The following CDCA7L variants were observed in gnomAD, a reference collection of about 807,000 sequenced individuals.
CDCA7L encodes the protein cell division cycle associated 7 like.
CDCA7L carries 44 observed loss-of-function variants against 57.4 expected under a neutral mutation model. That is an observed-to-expected ratio of 0.77 (90% CI 0.60 to 0.98). CDCA7L has a LOEUF of 0.98. Among genes scored for constraint, CDCA7L ranks in the 50% least tolerant of loss-of-function variants. CDCA7L has a pLI of 0.00. For synonymous variants in CDCA7L, 236 were observed against 202.8 expected (o/e 1.16, Z -1.39); for missense variants, 644 against 580.6 (o/e 1.11, Z -1.12).
At chr7:21,922,304 G>C (rs1467024163) in intron 1 of CDCA7L, among the ~76,000 whole-genome samples, 2 of 152,122 alleles carry the variant, frequency 1.3e-5, no homozygotes, top group Non-Finnish European at 2.9e-5. Flanking sequence ...AACTCAACAG[G>C]CTTTGGGGCC....
chr7:21,917,154 A>C (rs1785511783), intron 1 of CDCA7L, among the ~76,000 whole-genome samples: 1 of 152,190 alleles, frequency 6.6e-6, no homozygotes, highest in Non-Finnish European at 1.5e-5. Flanking sequence ...GGCCAGAGAG[A>C]AGACATGTTT....
rs149485255 is a variant in CDCA7L, at chr7:21,943,069, CT to C, written c.24+2711del. On this transcript the variant is annotated intron_variant, in intron 1 of 9. Coordinates refer to ENST00000406877, the MANE Select transcript of CDCA7L (RefSeq NM_018719.5). ...CATTCAGTGCCTACCAGTTTCTCTCCTACGGAGCTGCAGCAAGCTGGAGCTC... is the reference window on the plus strand; with the variant it reads ...CATTCAGTGCCTACCAGTTTCTCTCCACGGAGCTGCAGCAAGCTGGAGCTC... 6.2e-3 allele frequency among the ~76,000 whole-genome samples: 943 copies of C among 152,340 alleles called. 9 individuals carry two copies. The highest frequency in any genetic ancestry group is 0.021 in the African/African-American group (867 of 41,570).
intron 1 of CDCA7L, among the ~76,000 whole-genome samples, chr7:21,923,003 T>A (rs1785705916): frequency 6.6e-6 from 1 of 152,176 alleles, no homozygotes; most frequent in Non-Finnish European, 1.5e-5. Context: ...ACTTGCCAGA[T>A]GCTGAGGGGA....
At position 21,945,744 on chromosome 7, in the gene CDCA7L, GGTGCGTCCGGACGGCGGC is replaced by G; in HGVS notation, c.24+19_24+36del. 3 of 1,601,030 alleles carry G rather than the reference GGTGCGTCCGGACGGCGGC, an allele frequency of 1.9e-6. No individual in the cohort carries two copies. The highest frequency in any genetic ancestry group is 1.4e-5 in the African/African-American group (1 of 73,254). ...GGTGGCAAAGGGAAGTCAAACTGTG[GGTGCGTCCGGACGGCGGC>G]GGGCGGCCGGACCCTCACCTGGTAG... On this transcript the variant is annotated intron_variant, in intron 1 of 9. Transcript: ENST00000406877.
At chr7:21,907,388 A>G (rs932696746) in intron 4 of CDCA7L, among the ~76,000 whole-genome samples, 2 of 152,206 alleles carry the variant, frequency 1.3e-5, no homozygotes, top group Non-Finnish European at 2.9e-5. Flanking sequence ...CATATACAGT[A>G]TCACTGCATC....
chr7:21,917,831 C>G (rs931242458), intron 1 of CDCA7L, among the ~76,000 whole-genome samples: 12 of 152,154 alleles, frequency 7.9e-5, no homozygotes, highest in African/African-American at 2.4e-4. Flanking sequence ...GCACATATCT[C>G]CCACGGATAA....
At position 21,908,304 on chromosome 7, in the gene CDCA7L, G is replaced by A. The variant is rs766864649; in HGVS notation, c.507C>T (p.Ser169=). The change falls in exon 4 of 10, where the codon AGC becomes AGT. Residue 169 remains serine, a synonymous_variant. Transcript: ENST00000406877. ...KNSSSEQLFS[S]ARLQNEKKTI... ...TTTTTTTCTCATTCTGTAAGCGTGC[G>A]CTAGAAAACAACTGCTCGGAAGAAC... 18 of 1,610,500 alleles carry A rather than the reference G, an allele frequency of 1.1e-5. No homozygotes were observed. Among genetic ancestry groups the A allele is most frequent in the South Asian group, 4.4e-5 (4 of 90,492 alleles).
chr7:21,919,636 C>T (rs888750875), intron 1 of CDCA7L, among the ~76,000 whole-genome samples: 5 of 152,122 alleles, frequency 3.3e-5, no homozygotes, highest in Non-Finnish European at 5.9e-5. Flanking sequence ...AAATCCAACA[C>T]GGAGGCTTCT....
chr7:21,916,919 G>C, intron 1 of CDCA7L, 25 bp from the exon 2 acceptor site: 1 of 1,613,508 alleles, frequency 6.2e-7, no homozygotes, highest in African/African-American at 1.3e-5. Flanking sequence ...AAAGAGGCAG[G>C]ATTAAACCAG....
chr7:21,924,967 T>C (rs1785776794), intron 1 of CDCA7L, among the ~76,000 whole-genome samples: 1 of 152,128 alleles, frequency 6.6e-6, no homozygotes, highest in Non-Finnish European at 1.5e-5. Flanking sequence ...AACACACACA[T>C]GCATCTGACC....
intron 2 of CDCA7L, among the ~76,000 whole-genome samples, chr7:21,914,535 A>G (rs1785424639): frequency 6.6e-6 from 1 of 152,160 alleles, no homozygotes; most frequent in African/African-American, 2.4e-5. Context: ...AAATGGTGAG[A>G]GCACAGATAG....
intron 1 of CDCA7L, among the ~76,000 whole-genome samples, chr7:21,942,603 T>C (rs1349558825): frequency 2.0e-5 from 3 of 152,232 alleles, no homozygotes. Flanking sequence ...ATTCCAATGA[T>C]GTTCTAATCT....
At chr7:21,924,945 G>C (rs1326878964) in intron 1 of CDCA7L, among the ~76,000 whole-genome samples, 4 of 152,232 alleles carry the variant, frequency 2.6e-5, no homozygotes, top group Middle Eastern at 3.4e-3. Flanking sequence ...AAGCACAAAA[G>C]AGAATTAAAT....
intron 3 of CDCA7L, among the ~76,000 whole-genome samples, chr7:21,910,533 T>A (rs1429316250): frequency 6.6e-6 from 1 of 152,248 alleles, no homozygotes; most frequent in Non-Finnish European, 1.5e-5. Context: ...CTTTAGCAGC[T>A]TCTGGCTGTG....
chr7:21,938,943 A>G (rs1339890755), intron 1 of CDCA7L, among the ~76,000 whole-genome samples: 1 of 152,190 alleles, frequency 6.6e-6, no homozygotes, highest in Non-Finnish European at 1.5e-5. Flanking sequence ...CCAGGAGGTC[A>G]AGGCGCAGTG....
chr7:21,930,512 T>C (rs190838034), intron 1 of CDCA7L, among the ~76,000 whole-genome samples: 258 of 151,892 alleles, frequency 1.7e-3, no homozygotes, highest in Admixed American at 2.6e-3. Flanking sequence ...CTGGCCAAGA[T>C]AGTGAAACCC....
chr7:21,903,985 C>T lies in CDCA7L; in HGVS notation c.1197+125G>A, dbSNP rs143451613. The T allele has an allele frequency of 2.5e-5, 22 of 883,208 alleles. 1 individual carries two copies. The highest frequency in any genetic ancestry group is 2.8e-4 in the Middle Eastern group (1 of 3,548). 54.7% of individuals were successfully genotyped at this position (883,208 alleles called of 1,614,324 possible). ...TCATTTTCCCTGGAGCCTTAAGATA[C>T]AAATGGAAGGGAAAAACCAGAGTTC... On this transcript the variant is annotated intron_variant, in intron 8 of 9. Coordinates refer to ENST00000406877, the MANE Select transcript of CDCA7L (RefSeq NM_018719.5).
intron 1 of CDCA7L, among the ~76,000 whole-genome samples, chr7:21,945,159 A>T (rs1174085396): frequency 6.6e-6 from 1 of 152,148 alleles, no homozygotes; most frequent in Non-Finnish European, 1.5e-5. Flanking sequence ...AAGACGAGTT[A>T]GGCCCTTAAC....
At chr7:21,904,424 T>C (rs1785063809) in intron 7 of CDCA7L, among the ~76,000 whole-genome samples, 165 bp from the exon 8 acceptor site, 1 of 151,958 alleles carries the variant, frequency 6.6e-6, no homozygotes, top group Non-Finnish European at 1.5e-5. Flanking sequence ...TAGACCGGGG[T>C]CCCCAGCCCC....
Sources: allele counts gnomAD v4.1 joint callset (sites outside exome capture counted in the v4.1 genomes callset), GRCh38; gene constraint gnomAD v4.1.1; transcripts MANE v1.5; gene names NCBI Gene and HGNC (gene_info 2026-07-23, HGNC 2026-07-21).